Variants in H6PD observed in about 807,000 individuals in gnomAD.
H6PD encodes the protein hexose-6-phosphate dehydrogenase/glucose 1-dehydrogenase.
H6PD carries 48 observed loss-of-function variants against 61.2 expected under a neutral mutation model. That is an observed-to-expected ratio of 0.78 (90% CI 0.62 to 1.00). The LOEUF is 1.00. H6PD is among the 50% of genes least tolerant of loss of function. The pLI, the probability that H6PD is intolerant of heterozygous loss-of-function variation, is 0.00. For missense variants in H6PD, 1,093 were observed against 1,065.0 expected, an observed-to-expected ratio of 1.03 and a Z score of -0.37; for synonymous variants, 480 against 457.9, an observed-to-expected ratio of 1.05 and a Z score of -0.62.
intron 3 of H6PD, among the ~76,000 whole-genome samples, chr1:9,250,017 C>T (rs985857382): frequency 3.3e-5 from 5 of 152,206 alleles, no homozygotes; most frequent in African/African-American, 1.2e-4. Flanking sequence ...GGCCCAAGCA[C>T]TGCTCTGTGC....
At position 9,264,937 on chromosome 1, in the gene H6PD, G is replaced by A. The variant is rs967787005; in HGVS notation, c.*68G>A. 35 of 1,560,236 alleles carry A rather than the reference G, an allele frequency of 2.2e-5. No individual in the cohort carries two copies. The highest frequency in any genetic ancestry group is 8.1e-5 in the African/African-American group (6 of 73,974). ...TCGCCCGTGTCTTCCCTCCCTTCTC[G>A]GCCCCGCCACCTGCCCAGCGTGCCC... On this transcript the variant is annotated 3_prime_UTR_variant, in exon 5 of 5. Coordinates refer to ENST00000377403, the MANE Select transcript of H6PD (RefSeq NM_004285.4).
chr1:9,263,411 A>AGTGAGGCAG, intron 4 of H6PD, 98 bp from the exon 5 acceptor site: 1 of 1,167,916 alleles, frequency 8.6e-7, no homozygotes, highest in Non-Finnish European at 1.3e-6. Flanking sequence ...TCCCTGAGGC[A>AGTGAGGCAG]GGGGGACGCC....
At chr1:9,238,789 C>T (rs560593930) in intron 1 of H6PD, among the ~76,000 whole-genome samples, 1 of 152,036 alleles carries the variant, frequency 6.6e-6, no homozygotes, top group African/African-American at 2.4e-5. Context: ...GACGGATAGG[C>T]AGTTGTGTGC....
In H6PD at chr1:9,264,069, C is replaced by T. The variant is rs1557751884; in HGVS notation, c.1576C>T (p.Gln526Ter). The change falls in exon 5 of 5, where the codon CAG (glutamine) becomes TAG (stop). Residue 526 changes from glutamine to a stop codon, truncating the protein, a stop_gained. Transcript: ENST00000377403. LOFTEE classifies it high-confidence loss of function. Reference sequence around the variant, plus strand: ...CGGCCGGTTGTTCTTTTCCCAGCAGCAGCCGGAGCAGCTGGTGCCAGGGCC... The same window carrying T: ...CGGCCGGTTGTTCTTTTCCCAGCAGTAGCCGGAGCAGCTGGTGCCAGGGCC... ...SSGRLFFSQQ[Q>*]PEQLVPGPGP... The T allele has an allele frequency of 1.9e-6, 3 of 1,614,064 alleles. No homozygotes were observed. Among genetic ancestry groups the T allele is most frequent in the Non-Finnish European group, 2.5e-6 (3 of 1,179,982 alleles).
chr1:9,266,434 C>T lies in H6PD; in HGVS notation c.*1565C>T, dbSNP rs533082578. On this transcript the variant is annotated 3_prime_UTR_variant, in exon 5 of 5. Coordinates refer to ENST00000377403, the MANE Select transcript of H6PD (RefSeq NM_004285.4). Reference sequence around the variant, plus strand: ...GCAATACCTGCTTTTCTGAAGCCCCCAAGGAGGGCTCTGACATTCTTTTTA... The same window carrying T: ...GCAATACCTGCTTTTCTGAAGCCCCTAAGGAGGGCTCTGACATTCTTTTTA... 12 of 152,296 alleles carry T rather than the reference C, an allele frequency of 7.9e-5. No individual in the cohort carries two copies. The highest frequency in any genetic ancestry group is 6.8e-3 in the Middle Eastern group (2 of 294). 9.4% of individuals were successfully genotyped at this position (152,296 alleles called of 1,614,324 possible). A position where few individuals can be genotyped will look rare whatever the true frequency, so the allele number is the denominator to read the frequency against.
chr1:9,242,206 C>G (rs535609726), intron 1 of H6PD, among the ~76,000 whole-genome samples: 9 of 152,300 alleles, frequency 5.9e-5, no homozygotes, highest in Non-Finnish European at 1.3e-4. Flanking sequence ...CGGAGTCTCA[C>G]TACTCAAAGT....
At position 9,240,042 on chromosome 1, in the gene H6PD, G is replaced by A. The variant is rs565330757; in HGVS notation, c.-10-4883G>A. On this transcript the variant is annotated intron_variant, in intron 1 of 4. Transcript: ENST00000377403. ...TGGTAAGTCTCTCCCAGGATGACTC[G>A]TAGGAGCCTCTCAGGATTAGAGTTG... The A allele has an allele frequency of 2.5e-5, 30 of 1,222,504 alleles. No homozygotes were observed. In the South Asian group the frequency reaches 1.0e-3, roughly 42 times the overall value. 75.7% of individuals were successfully genotyped at this position (1,222,504 alleles called of 1,614,324 possible).
intron 3 of H6PD, among the ~76,000 whole-genome samples, chr1:9,260,473 G>A (rs1009774380): frequency 6.6e-6 from 1 of 152,042 alleles, no homozygotes; most frequent in African/African-American, 2.4e-5. Context: ...TTACACCAGT[G>A]TTATGTTGCT....
At chr1:9,247,601 C>T (rs1165394994) in intron 3 of H6PD, among the ~76,000 whole-genome samples, 1 of 152,194 alleles carries the variant, frequency 6.6e-6, no homozygotes, top group Non-Finnish European at 1.5e-5. Context: ...CCCTGCCCTG[C>T]ACAGTGTTAC....
At position 9,265,097 on chromosome 1, in the gene H6PD, T is replaced by G; in HGVS notation, c.*228T>G. ...ACAAGGAAGAAATGGAGTCTGCTCC[T>G]GAGAAGCTTCAAATTCAGGCCAGGA... On this transcript the variant is annotated 3_prime_UTR_variant, in exon 5 of 5. Coordinates refer to ENST00000377403, the MANE Select transcript of H6PD (RefSeq NM_004285.4). 1.6e-6 allele frequency: 1 copy of G among 607,660 alleles called. No homozygotes were observed. The highest frequency in any genetic ancestry group is 2.8e-5 in the Admixed American group (1 of 36,102). The allele number at this position is 607,660 out of a possible 1,614,324, so 37.6% of individuals were successfully genotyped here.
At chr1:9,244,439 C>G (rs1398532861) in intron 1 of H6PD, among the ~76,000 whole-genome samples, 2 of 152,174 alleles carry the variant, frequency 1.3e-5, no homozygotes, top group African/African-American at 4.8e-5. Context: ...GTAGTTGGAG[C>G]CCAGTGGACA....
In H6PD at chr1:9,265,142, C is replaced by G; in HGVS notation, c.*273C>G. The G allele has an allele frequency of 1.8e-6, 1 of 554,294 alleles. No individual in the cohort carries two copies. The highest frequency in any genetic ancestry group is 2.0e-5 in the South Asian group (1 of 49,686). 34.3% of individuals were successfully genotyped at this position (554,294 alleles called of 1,614,324 possible). A position where few individuals can be genotyped will look rare whatever the true frequency, so the allele number is the denominator to read the frequency against. On this transcript the variant is annotated 3_prime_UTR_variant, in exon 5 of 5. Coordinates refer to ENST00000377403, the MANE Select transcript of H6PD (RefSeq NM_004285.4). The stretch of plus-strand genomic sequence containing the variant: ...CCAGGAGAGAAGTCTTAAGAAAAGA[C>G]CTCCAGCAGTTACACATTCATATCA...
chr1:9,253,984 G>A (rs1641443118), intron 3 of H6PD, among the ~76,000 whole-genome samples: 1 of 152,196 alleles, frequency 6.6e-6, no homozygotes, highest in Admixed American at 6.5e-5. Context: ...GGGAGGTGCG[G>A]GGATTGTTGC....
intron 3 of H6PD, among the ~76,000 whole-genome samples, chr1:9,247,760 G>A (rs920168942): frequency 6.6e-6 from 1 of 152,210 alleles, no homozygotes; most frequent in Non-Finnish European, 1.5e-5. Context: ...GCTGCCTTCA[G>A]CTGGGTGGCC....
At position 9,264,040 on chromosome 1, in the gene H6PD, G is replaced by C; in HGVS notation, c.1547G>C (p.Ser516Thr). 1.2e-6 allele frequency: 2 copies of C among 1,614,216 alleles called. No homozygotes were observed. The highest frequency in any genetic ancestry group is 1.7e-6 in the Non-Finnish European group (2 of 1,180,050). The change falls in exon 5 of 5, where the codon AGT becomes ACT. Residue 516 changes from serine to threonine, a missense_variant. Ser to Thr is a moderately conservative substitution (Grantham distance 58). Transcript: ENST00000377403. ...ENGRLLDFEF[S>T]SGRLFFSQQQ... The stretch of plus-strand genomic sequence containing the variant: ...GGCCGTCTGTTGGACTTTGAGTTCA[G>C]TAGCGGCCGGTTGTTCTTTTCCCAG...
Position 9,262,263 on chromosome 1 carries a change from G to A in H6PD, c.950G>A (p.Ser317Asn), listed in dbSNP as rs1491003486. 7 of 1,611,940 alleles carry A rather than the reference G, an allele frequency of 4.3e-6. No individual in the cohort carries two copies. In the East Asian group the frequency reaches 1.6e-4, roughly 36 times the overall value. ...GTCGTGGGCCAGTACCAGTCTTACA[G>A]TGAGCAGGTGCGCAGAGAGCTGCAG... is the stretch of plus-strand genomic sequence containing the variant. ...SAVVGQYQSYSEQVRRELQKP... is the reference protein window; with the variant it reads ...SAVVGQYQSYNEQVRRELQKP... The change falls in exon 4 of 5, where the codon AGT becomes AAT. Residue 317 changes from serine to asparagine, a missense_variant. By Grantham distance (46) the Ser-to-Asn change is conservative. Coordinates refer to ENST00000377403, the MANE Select transcript of H6PD (RefSeq NM_004285.4).
chr1:9,239,444 AG>A (rs1199612201), intron 1 of H6PD, among the ~76,000 whole-genome samples: 1 of 152,188 alleles, frequency 6.6e-6, no homozygotes, highest in Admixed American at 6.5e-5. Context: ...TGCAGATCAG[AG>A]GTCATTGATA....
At chr1:9,263,475 CAG>C (rs1325349700) in intron 4 of H6PD, 32 bp from the exon 5 acceptor site, 5 of 1,609,570 alleles carry the variant, frequency 3.1e-6, no homozygotes, top group Non-Finnish European at 2.6e-6. Context: ...TGGTCTGTGC[CAG>C]AGAGTCACCC....
chr1:9,240,179 G>A (rs895378309), intron 1 of H6PD, among the ~76,000 whole-genome samples: 111 of 152,194 alleles, frequency 7.3e-4, no homozygotes, highest in Middle Eastern at 3.4e-3. Flanking sequence ...TGCCCCCACA[G>A]CATTTTGTTT....
Sources: allele counts gnomAD v4.1 joint callset (sites outside exome capture counted in the v4.1 genomes callset), GRCh38; gene constraint gnomAD v4.1.1; transcripts MANE v1.5; gene names NCBI Gene and HGNC (gene_info 2026-07-23, HGNC 2026-07-21).